Variants in EPM2A observed in about 807,000 individuals in gnomAD.
The protein encoded by EPM2A is EPM2A glucan phosphatase, laforin, also known as laforin.
A neutral mutation model predicts 26.5 loss-of-function variants in EPM2A; 21 were observed. The observed-to-expected ratio is 0.79, with a 90% CI of 0.56 to 1.14. EPM2A has a LOEUF of 1.14. EPM2A is among the 50% of genes most tolerant of loss of function. The probability of loss-of-function intolerance (pLI) is 0.00; values close to 1 mark genes in which losing one functional copy is unlikely to be tolerated. For synonymous variants in EPM2A, 217 were observed against 177.6 expected (o/e 1.22, Z -1.76); for missense variants, 458 against 440.8 (o/e 1.04, Z -0.35).
intron 4 of EPM2A, among the ~76,000 whole-genome samples, chr6:145,386,327 C>T (rs1444441603): frequency 1.3e-5 from 2 of 151,910 alleles, no homozygotes; most frequent in Non-Finnish European, 2.9e-5. Context: ...TTAGTCTGTG[C>T]TATTTTGTGA....
chr6:145,632,958 C>T (rs1776376773), intron 3 of EPM2A, among the ~76,000 whole-genome samples: 1 of 152,218 alleles, frequency 6.6e-6, no homozygotes, highest in Admixed American at 6.5e-5. Flanking sequence ...AATGCCACTG[C>T]ACTGTCTCAG....
At chr6:145,643,898 C>A (rs182447481) in intron 2 of EPM2A, among the ~76,000 whole-genome samples, 9 of 152,092 alleles carry the variant, frequency 5.9e-5, no homozygotes, top group African/African-American at 1.7e-4. Context: ...TAGACCACTG[C>A]ATCTCCCATA....
intron 4 of EPM2A, among the ~76,000 whole-genome samples, chr6:145,450,180 C>T (rs987955670): frequency 9.2e-5 from 14 of 151,556 alleles, no homozygotes; most frequent in African/African-American, 2.7e-4. Context: ...AGTGAAACCC[C>T]GTCTCTACTA....
intron 4 of EPM2A, among the ~76,000 whole-genome samples, chr6:145,415,456 G>GGATA (rs1186614781): frequency 6.6e-6 from 1 of 152,148 alleles, no homozygotes; most frequent in African/African-American, 2.4e-5. Flanking sequence ...CGTGCACATA[G>GGATA]GATAGCCTTT....
At chr6:145,640,914 C>G (rs948531467) in intron 2 of EPM2A, 2 of 152,140 alleles carry the variant, frequency 1.3e-5, no homozygotes, top group South Asian at 4.1e-4. Context: ...AATAACTACT[C>G]AAAGACAAAT....
At chr6:145,435,486 T>G (rs972061684) in intron 4 of EPM2A, among the ~76,000 whole-genome samples, 1 of 150,662 alleles carries the variant, frequency 6.6e-6, no homozygotes, top group African/African-American at 2.4e-5. Flanking sequence ...ACCATAATTT[T>G]TTAAATTTTA....
chr6:145,732,752 T>A (rs1434557623), intron 1 of EPM2A, among the ~76,000 whole-genome samples: 1 of 152,252 alleles, frequency 6.6e-6, no homozygotes, highest in Non-Finnish European at 1.5e-5. Context: ...CACAAAATTT[T>A]ATTTCCTTGT....
intron 2 of EPM2A, among the ~76,000 whole-genome samples, chr6:145,653,527 AT>A (rs985252226): frequency 6.6e-6 from 1 of 152,164 alleles, no homozygotes; most frequent in South Asian, 2.1e-4. Flanking sequence ...CTCAACTGTT[AT>A]TTTTTTATCT....
intron 1 of EPM2A, among the ~76,000 whole-genome samples, chr6:145,723,003 C>G (rs369108607): frequency 2.6e-4 from 40 of 152,240 alleles, no homozygotes; most frequent in African/African-American, 8.2e-4. Flanking sequence ...ACCCAGTGTG[C>G]GGTACTTGAT....
At chr6:145,725,676 C>T (rs889175114) in intron 1 of EPM2A, among the ~76,000 whole-genome samples, 2 of 152,034 alleles carry the variant, frequency 1.3e-5, no homozygotes, top group Non-Finnish European at 2.9e-5. Context: ...AAAGGCTACA[C>T]ACTGTACGAT....
intron 2 of EPM2A, among the ~76,000 whole-genome samples, chr6:145,681,571 A>G (rs548954061): frequency 6.0e-5 from 9 of 150,592 alleles, no homozygotes; most frequent in African/African-American, 2.2e-4. Flanking sequence ...ATTTTTGTAT[A>G]AGGTGTAAGG....
chr6:145,625,143 T>C (rs539096777), downstream of EPM2A, among the ~76,000 whole-genome samples: 1 of 152,352 alleles, frequency 6.6e-6, no homozygotes, highest in Admixed American at 6.5e-5. Context: ...TCCTTTATCA[T>C]GTAACTGCCA....
chr6:145,695,001 G>C (rs1474982695), intron 1 of EPM2A, among the ~76,000 whole-genome samples: 1 of 151,938 alleles, frequency 6.6e-6, no homozygotes, highest in Non-Finnish European at 1.5e-5. Context: ...GTATCAGTCA[G>C]ATTCAAAATA....
At chr6:145,442,441 A>G (rs1262627332) in intron 4 of EPM2A, among the ~76,000 whole-genome samples, 1 of 152,208 alleles carries the variant, frequency 6.6e-6, no homozygotes, top group African/African-American at 2.4e-5. Flanking sequence ...GGTGCAAAGC[A>G]GGTCTCACAT....
intron 4 of EPM2A, among the ~76,000 whole-genome samples, chr6:145,463,612 G>C (rs1779353092): frequency 6.6e-6 from 1 of 151,844 alleles, no homozygotes; most frequent in African/African-American, 2.4e-5. Context: ...TACATGACTG[G>C]TATATATATA....
intron 2 of EPM2A, among the ~76,000 whole-genome samples, chr6:145,541,464 C>A (rs558823395): frequency 6.6e-6 from 1 of 151,952 alleles, no homozygotes; most frequent in South Asian, 2.1e-4. Flanking sequence ...TTTCTCAAAG[C>A]AAATTTGTAT....
At chr6:145,649,299 T>G (rs1777707038) in intron 2 of EPM2A, among the ~76,000 whole-genome samples, 1 of 152,186 alleles carries the variant, frequency 6.6e-6, no homozygotes, top group African/African-American at 2.4e-5. Context: ...GTGTTTCAGC[T>G]TCATCAACTA....
At chr6:145,502,293 C>G (rs2114752258) in intron 3 of EPM2A, among the ~76,000 whole-genome samples, 1 of 152,360 alleles carries the variant, frequency 6.6e-6, no homozygotes, top group African/African-American at 2.4e-5. Flanking sequence ...CCCAGCCAAG[C>G]TTTTTGACTC....
At chr6:145,603,518 T>C (rs1781443851) in intron 2 of EPM2A, among the ~76,000 whole-genome samples, 1 of 152,194 alleles carries the variant, frequency 6.6e-6, no homozygotes, top group South Asian at 2.1e-4. Flanking sequence ...AGGGACTATG[T>C]CTATTTTAGT....
Sources: allele counts gnomAD v4.1 joint callset (sites outside exome capture counted in the v4.1 genomes callset), GRCh38; gene constraint gnomAD v4.1.1; transcripts MANE v1.5; gene names NCBI Gene and HGNC (gene_info 2026-07-23, HGNC 2026-07-21).